The following POU6F2 variants were observed in gnomAD, a reference collection of about 807,000 sequenced individuals.
The protein encoded by POU6F2 is POU domain, class 6, transcription factor 2.
Under a neutral mutation model 71.3 loss-of-function variants are expected in POU6F2, and 31 were observed. The ratio of observed to expected loss-of-function variants is 0.43; its 90% CI spans 0.33 to 0.59. The LOEUF is 0.59. Among genes scored for constraint, POU6F2 ranks in the 20% least tolerant of loss-of-function variants. The pLI, the probability that POU6F2 is intolerant of heterozygous loss-of-function variation, is 0.04. For missense variants in POU6F2, 783 were observed against 856.8 expected (o/e 0.91, Z 1.07); for synonymous variants, 347 against 355.7 (o/e 0.98, Z 0.27).
In POU6F2 at chr7:39,339,949, G is replaced by T. The variant is rs202064223; in HGVS notation, c.906G>T (p.Pro302=). ...PSPTQQSSSP[P]QKPSQSPGHG... is the part of the protein sequence containing the mutation. ...CAACCCAGCAGAGCTCCAGCCCCCC[G>T]CAGAAACCTAGTCAGTCTCCAGGAC... is the stretch of plus-strand genomic sequence containing the variant. The change falls in exon 5 of 10, where the codon CCG becomes CCT. Residue 302 remains proline, a synonymous_variant. Transcript: ENST00000518318. 3.2e-5 allele frequency: 52 copies of T among 1,613,728 alleles called. No individual in the cohort carries two copies. The Admixed American group carries it at 6.3e-4, about 20-fold the overall frequency.
rs549014904 is a variant in POU6F2 at position 39,168,413 on chromosome 7, T to C, written c.278-35822T>C. Among the ~76,000 whole-genome samples the C allele has an allele frequency of 5.3e-4, 80 of 152,352 alleles. 1 individual carries two copies. In the South Asian group the frequency reaches 0.015, roughly 28 times the overall value. ...GAAAACAGCTCTGTTTACATTCCAG[T>C]ATTCTTTCTACTAATGTAACAATCA... On this transcript the variant is annotated intron_variant, in intron 2 of 9. Coordinates refer to ENST00000518318, the MANE Select transcript of POU6F2 (RefSeq NM_001370959.1).
intron 6 of POU6F2, among the ~76,000 whole-genome samples, chr7:39,419,133 ACATATATATACG>A (rs1562544640): frequency 2.6e-4 from 34 of 132,812 alleles, no homozygotes; most frequent in East Asian, 1.2e-3. Context: ...GTATATATAC[ACATATATATACG>A]TATATATGTG....
intron 1 of POU6F2, chr7:38,984,225 T>C (rs948341591): frequency 1.1e-4 from 17 of 152,122 alleles, no homozygotes; most frequent in African/African-American, 3.9e-4. Context: ...AATAAACGTG[T>C]TGACACCTTT....
At chr7:39,441,575 G>C (rs1788406530) in intron 7 of POU6F2, among the ~76,000 whole-genome samples, 1 of 152,228 alleles carries the variant, frequency 6.6e-6, no homozygotes, top group African/African-American at 2.4e-5. Context: ...GTAACTAAAA[G>C]AGAAACCCAG....
chr7:39,406,558 G>T, intron 5 of POU6F2, 42 bp from the exon 6 acceptor site: 3 of 1,602,234 alleles, frequency 1.9e-6, no homozygotes, highest in Non-Finnish European at 2.6e-6. Flanking sequence ...CTGTGCCTGT[G>T]CCTCTCGGTG....
In POU6F2 at chr7:39,339,957, C is replaced by T. The variant is rs1436674210; in HGVS notation, c.914C>T (p.Pro305Leu). 1 of 1,613,936 alleles carries T rather than the reference C, an allele frequency of 6.2e-7. No individual in the cohort carries two copies. The highest frequency in any genetic ancestry group is 1.3e-5 in the African/African-American group (1 of 75,034). Residue 305 changes from proline (P) to leucine (L), a missense_variant, in exon 5 of 10, where the codon CCT (proline) becomes CTT (leucine). This residue lies in a region of POU6F2 where 572 missense variants were observed against 572.9 expected (regional missense o/e 1.00). Transcript: ENST00000518318. ...TQQSSSPPQK[P>L]SQSPGHGLPS... ...CAGAGCTCCAGCCCCCCGCAGAAAC[C>T]TAGTCAGTCTCCAGGACATGGCCTG...
chr7:39,099,608 C>T (rs916380599), intron 2 of POU6F2, among the ~76,000 whole-genome samples: 2 of 152,152 alleles, frequency 1.3e-5, no homozygotes, highest in African/African-American at 2.4e-5. Flanking sequence ...TGCTGCAGAA[C>T]GATGGTAACC....
chr7:39,265,406 T>C (rs1393998015), intron 4 of POU6F2, among the ~76,000 whole-genome samples: 1 of 152,194 alleles, frequency 6.6e-6, no homozygotes, highest in Non-Finnish European at 1.5e-5. Flanking sequence ...AACCAGAGTT[T>C]CCCAAATCTC....
chr7:39,092,761 C>G (rs1220688060), intron 2 of POU6F2, among the ~76,000 whole-genome samples: 2 of 152,140 alleles, frequency 1.3e-5, no homozygotes, highest in African/African-American at 4.8e-5. Context: ...TTGGAGACAT[C>G]TCCTACTCTG....
At chr7:39,450,038 G>A (rs1350751938) in intron 7 of POU6F2, among the ~76,000 whole-genome samples, 3 of 152,174 alleles carry the variant, frequency 2.0e-5, no homozygotes, top group African/African-American at 7.2e-5. Flanking sequence ...GTGGTTTCAC[G>A]TGTGTACACA....
At chr7:39,364,324 A>G (rs1160977112) in intron 5 of POU6F2, among the ~76,000 whole-genome samples, 2 of 150,432 alleles carry the variant, frequency 1.3e-5, no homozygotes, top group African/African-American at 4.9e-5. Flanking sequence ...ACATGAGTAA[A>G]TTCTTTAGTG....
At chr7:39,229,195 A>G (rs193120419) in intron 4 of POU6F2, among the ~76,000 whole-genome samples, 2 of 152,326 alleles carry the variant, frequency 1.3e-5, no homozygotes, top group East Asian at 3.9e-4. Context: ...GTGAATACAT[A>G]AAGAGCTCAA....
intron 1 of POU6F2, among the ~76,000 whole-genome samples, chr7:39,036,430 T>G (rs1447079895): frequency 6.6e-6 from 1 of 152,176 alleles, no homozygotes; most frequent in Non-Finnish European, 1.5e-5. Context: ...ATGATTTAAT[T>G]ATAATTAATT....
At chr7:39,087,820 G>T (rs1455887664) in intron 2 of POU6F2, among the ~76,000 whole-genome samples, 4 of 152,120 alleles carry the variant, frequency 2.6e-5, no homozygotes, top group African/African-American at 7.2e-5. Flanking sequence ...CAAAAGAGGG[G>T]TGATTGATTT....
chr7:39,280,425 T>C (rs968558549), intron 4 of POU6F2, among the ~76,000 whole-genome samples: 1 of 152,220 alleles, frequency 6.6e-6, no homozygotes, highest in Admixed American at 6.5e-5. Flanking sequence ...ATAGGAATGC[T>C]AGAATCTTAA....
At chr7:39,422,007 A>G (rs374373005) in intron 6 of POU6F2, among the ~76,000 whole-genome samples, 26 of 152,258 alleles carry the variant, frequency 1.7e-4, no homozygotes, top group Admixed American at 5.2e-4. Flanking sequence ...TCTTTCCGCA[A>G]AATGATGGCT....
At chr7:39,049,386 T>G (rs1313148906) in intron 1 of POU6F2, among the ~76,000 whole-genome samples, 2 of 152,012 alleles carry the variant, frequency 1.3e-5, no homozygotes, top group Non-Finnish European at 2.9e-5. Context: ...TGTTTTTAAT[T>G]CAGCTCAAAA....
At chr7:39,326,380 A>G (rs575722491) in intron 4 of POU6F2, among the ~76,000 whole-genome samples, 4 of 152,318 alleles carry the variant, frequency 2.6e-5, no homozygotes, top group African/African-American at 9.6e-5. Context: ...CTCTGTAAGG[A>G]AAGAATACTA....
chr7:39,316,529 C>T (rs774367276), intron 4 of POU6F2, among the ~76,000 whole-genome samples: 1 of 152,132 alleles, frequency 6.6e-6, no homozygotes, highest in Non-Finnish European at 1.5e-5. Context: ...GAGTGAGTCT[C>T]ACCACCACAA....
Sources: allele counts gnomAD v4.1 joint callset (sites outside exome capture counted in the v4.1 genomes callset), GRCh38; gene constraint gnomAD v4.1.1; regional missense constraint gnomAD v4.1.1; transcripts MANE v1.5; gene names NCBI Gene and HGNC (gene_info 2026-07-23, HGNC 2026-07-21).